Variants in DLG2 observed in about 807,000 individuals in gnomAD.
DLG2 encodes the protein discs large MAGUK scaffold protein 2, also known as disks large homolog 2.
Under a neutral mutation model 132.5 loss-of-function variants are expected in DLG2, and 45 were observed. That is an observed-to-expected ratio of 0.34 (90% CI 0.27 to 0.44). The LOEUF is 0.44. Among genes scored for constraint, DLG2 ranks in the 20% least tolerant of loss-of-function variants. The probability of loss-of-function intolerance (pLI) is 1.00; values close to 1 mark genes in which losing one functional copy is unlikely to be tolerated. For synonymous variants in DLG2, 424 were observed against 419.6 expected (o/e 1.01, Z -0.13); for missense variants, 1,045 against 1,196.9 (o/e 0.87, Z 1.87).
chr11:84,560,724 G>A (rs565152413), intron 6 of DLG2, among the ~76,000 whole-genome samples: 1 of 152,182 alleles, frequency 6.6e-6, no homozygotes, highest in East Asian at 1.9e-4. Context: ...ATTTATGTAT[G>A]AGCATAATGG....
At chr11:84,166,718 C>A (rs951424870) in intron 8 of DLG2, 1 of 325,738 alleles carries the variant, frequency 3.1e-6, no homozygotes, top group Non-Finnish European at 6.1e-6. Context: ...CAGTAATTCA[C>A]CCCTAACCAT....
intron 6 of DLG2, among the ~76,000 whole-genome samples, chr11:85,109,707 A>G (rs1339990494): frequency 6.6e-6 from 1 of 152,162 alleles, no homozygotes; most frequent in East Asian, 1.9e-4. Flanking sequence ...TTTGATTTAC[A>G]TAGGATTACT....
intron 3 of DLG2, among the ~76,000 whole-genome samples, chr11:85,293,693 G>A (rs1186365147): frequency 6.6e-6 from 1 of 152,118 alleles, no homozygotes; most frequent in East Asian, 1.9e-4. Context: ...AATGCAACGG[G>A]TAATGTAACT....
At chr11:83,507,317 A>G (rs2094754328) in intron 21 of DLG2, among the ~76,000 whole-genome samples, 1 of 151,678 alleles carries the variant, frequency 6.6e-6, no homozygotes, top group South Asian at 2.1e-4. Context: ...AAAGAACTCC[A>G]TCCTTAATAT....
chr11:84,840,716 T>A (rs552517021), intron 6 of DLG2, among the ~76,000 whole-genome samples: 8 of 152,152 alleles, frequency 5.3e-5, no homozygotes, highest in African/African-American at 1.7e-4. Context: ...CTGGAAACCA[T>A]CATTCTGAGC....
chr11:83,761,926 T>C (rs751060640), intron 18 of DLG2, among the ~76,000 whole-genome samples: 8 of 152,154 alleles, frequency 5.3e-5, no homozygotes, highest in East Asian at 1.9e-4. Flanking sequence ...AAATTTTCCC[T>C]TGAATCTCCC....
intron 21 of DLG2, among the ~76,000 whole-genome samples, chr11:83,525,088 T>A (rs1420367676): frequency 2.0e-5 from 3 of 152,218 alleles, no homozygotes; most frequent in African/African-American, 7.2e-5. Flanking sequence ...AATAGCAGTT[T>A]CGTCATCAGC....
In DLG2 at chr11:85,076,739, A is replaced by T. The variant is rs192663228; in HGVS notation, c.357+34922T>A. On this transcript the variant is annotated intron_variant, in intron 6 of 27. Transcript: ENST00000376104. ...AGAGAAGCAGTAAAGGCCTCATTCA[A>T]ACCACAGAAGCTCACAGATTCTCCT... Among the ~76,000 whole-genome samples, 261 of 152,122 alleles carry T rather than the reference A, an allele frequency of 1.7e-3. 1 individual carries two copies. Among genetic ancestry groups the T allele is most frequent in the African/African-American group, 6.1e-3 (255 of 41,548 alleles).
At position 84,575,732 on chromosome 11, in the gene DLG2, T is replaced by C. The variant is rs140312740; in HGVS notation, c.358-41001A>G. ...ATTTTAAAATGTATAATTATTATTA[T>C]TGACTATTGTCACTTTGTTGTCCTA... On this transcript the variant is annotated intron_variant, in intron 6 of 27. Transcript: ENST00000376104. Among the ~76,000 whole-genome samples the C allele has an allele frequency of 1.0e-2, 1,516 of 152,340 alleles. 48 individuals are homozygous for C. In the East Asian group the frequency reaches 0.11, roughly 11 times the overall value.
intron 7 of DLG2, among the ~76,000 whole-genome samples, chr11:84,483,543 G>C (rs1405842566): frequency 6.6e-6 from 1 of 151,734 alleles, no homozygotes; most frequent in Non-Finnish European, 1.5e-5. Flanking sequence ...CTGTCGTTCT[G>C]ATACAATTAA....
rs76939953 is a variant in DLG2 at position 85,416,616 on chromosome 11, C to T, written c.41-131251G>A. On this transcript the variant is annotated intron_variant, in intron 3 of 27. Coordinates refer to ENST00000376104, the MANE Select transcript of DLG2 (RefSeq NM_001142699.3). ...ATTTGTTTGTTTCCTCTGTCATTTC[C>T]TTGAGCAGTGGTTTGTAGTTCTCCT... Among the ~76,000 whole-genome samples, 6 of 151,998 alleles carry T rather than the reference C, an allele frequency of 3.9e-5. No individual in the cohort carries two copies. In the South Asian group the frequency reaches 1.2e-3, roughly 32 times the overall value.
chr11:83,686,693 T>TTA (rs1555330069), intron 18 of DLG2, among the ~76,000 whole-genome samples: 2 of 152,238 alleles, frequency 1.3e-5, no homozygotes, highest in Non-Finnish European at 2.9e-5. Context: ...AATTTCTCAA[T>TTA]TATAACTTGT....
At chr11:84,738,510 T>C (rs1489983367) in intron 6 of DLG2, among the ~76,000 whole-genome samples, 1 of 152,192 alleles carries the variant, frequency 6.6e-6, no homozygotes, top group Admixed American at 6.5e-5. Flanking sequence ...CCTTTGTTTC[T>C]CAATAGACAT....
chr11:84,752,020 G>C lies in DLG2; in HGVS notation c.358-217289C>G, dbSNP rs12291641. The stretch of plus-strand genomic sequence containing the variant: ...AGGGAATATCTTGGCTGAACCACTG[G>C]AAGGTAGAAGATGGCCGAGTCCAGG... On this transcript the variant is annotated intron_variant, in intron 6 of 27. Coordinates refer to ENST00000376104, the MANE Select transcript of DLG2 (RefSeq NM_001142699.3). Among the ~76,000 whole-genome samples the C allele has an allele frequency of 8.2e-3, 1,246 of 152,256 alleles. 15 individuals are homozygous for C. The highest frequency in any genetic ancestry group is 0.029 in the African/African-American group (1,185 of 41,550).
chr11:84,085,152 C>T (rs542806092), intron 10 of DLG2, among the ~76,000 whole-genome samples: 3 of 152,248 alleles, frequency 2.0e-5, no homozygotes, highest in Admixed American at 2.0e-4. Context: ...TTAGACCTTT[C>T]TAAATAATGA....
intron 3 of DLG2, among the ~76,000 whole-genome samples, chr11:85,573,164 C>G (rs186445463): frequency 6.6e-6 from 1 of 152,256 alleles, no homozygotes; most frequent in East Asian, 1.9e-4. Flanking sequence ...AGGTGTCATA[C>G]TTGTACAGAC....
chr11:85,290,564 A>G (rs2078831066), intron 3 of DLG2, among the ~76,000 whole-genome samples: 1 of 152,008 alleles, frequency 6.6e-6, no homozygotes, highest in African/African-American at 2.4e-5. Flanking sequence ...ATAGGGTGAA[A>G]GATGCCCATA....
intron 15 of DLG2, among the ~76,000 whole-genome samples, chr11:83,919,634 A>T (rs1270569766): frequency 6.6e-6 from 1 of 152,172 alleles, no homozygotes; most frequent in Non-Finnish European, 1.5e-5. Flanking sequence ...GGTCAGCCAC[A>T]TCTGGATTGC....
chr11:84,534,276 G>T (rs1407112367), intron 7 of DLG2, among the ~76,000 whole-genome samples: 1 of 152,120 alleles, frequency 6.6e-6, no homozygotes, highest in Non-Finnish European at 1.5e-5. Flanking sequence ...TGTACTTGGG[G>T]TTTAAAAATA....
Sources: gnomAD v4.1 joint callset for allele counts (sites outside exome capture counted in the v4.1 genomes callset) on GRCh38, gnomAD v4.1.1 for gene constraint, MANE v1.5 for transcripts, NCBI Gene and HGNC (gene_info 2026-07-23, HGNC 2026-07-21) for gene names.